Variants in RBFOX3 observed in about 807,000 individuals in gnomAD.
RBFOX3 encodes RNA binding protein fox-1 homolog 3.
RBFOX3 carries 17 observed loss-of-function variants against 48.7 expected under a neutral mutation model. The observed-to-expected ratio is 0.35, with a 90% confidence interval of 0.24 to 0.52. The LOEUF is 0.52. RBFOX3 is among the 20% of genes least tolerant of loss of function. The probability of loss-of-function intolerance (pLI) is 0.94; values close to 1 mark genes in which losing one functional copy is unlikely to be tolerated. For missense variants in RBFOX3, 382 were observed against 497.5 expected (o/e 0.77, Z 2.21); for synonymous variants, 212 against 209.5 (o/e 1.01, Z -0.10).
Position 79,473,629 on chromosome 17 carries a change from T to C in RBFOX3, c.-175+8825A>G, listed in dbSNP as rs1349862944. Among the ~76,000 whole-genome samples, 1 of 152,154 alleles carries C rather than the reference T, an allele frequency of 6.6e-6. No individual in the cohort carries two copies. The highest frequency in any genetic ancestry group is 1.5e-5 in the Non-Finnish European group (1 of 68,016). On this transcript the variant is annotated intron_variant, in intron 2 of 14. Coordinates refer to ENST00000693108, the MANE Select transcript of RBFOX3 (RefSeq NM_001350451.2). This position sits in a 1 kb window ranked among gnomAD's most constrained non-coding sequence, Gnocchi z 4.2. Reference sequence around the variant, plus strand: ...TTCAGGCCCTCCCATAATGTTGACATCCTGATGAACCCCCGCTGGTGACGG... The same window carrying C: ...TTCAGGCCCTCCCATAATGTTGACACCCTGATGAACCCCCGCTGGTGACGG...
intron 1 of RBFOX3, among the ~76,000 whole-genome samples, chr17:79,553,270 A>G (rs1404487177): frequency 6.6e-6 from 1 of 152,246 alleles, no homozygotes; most frequent in Non-Finnish European, 1.5e-5. Context: ...GATGCATTAT[A>G]TAAACAGATT....
At position 79,610,404 on chromosome 17, in the gene RBFOX3, C is replaced by G. The variant is rs920032363; in HGVS notation, c.-320+422G>C. Among the ~76,000 whole-genome samples the G allele has an allele frequency of 6.6e-5, 10 of 152,000 alleles. No homozygotes were observed. The South Asian group carries it at 1.9e-3, about 28-fold the overall frequency. On this transcript the variant is annotated intron_variant, in intron 1 of 14. Coordinates refer to ENST00000693108, the MANE Select transcript of RBFOX3 (RefSeq NM_001350451.2). ...GATCTCCGCGCGCCTCTGCCTCCCC[C>G]CGCCGGGGAGTTCCCCGCGCCGGGC...
At chr17:79,307,012 G>A (rs1400908362) in intron 3 of RBFOX3, among the ~76,000 whole-genome samples, 1 of 152,250 alleles carries the variant, frequency 6.6e-6, no homozygotes, top group African/African-American at 2.4e-5. Flanking sequence ...TTGGCACTCG[G>A]AGCAAGGAGG....
Position 79,418,792 on chromosome 17 carries a change from T to G in RBFOX3, c.-175+63662A>C, listed in dbSNP as rs1331643523. Among the ~76,000 whole-genome samples the G allele has an allele frequency of 2.6e-5, 4 of 151,988 alleles. No individual in the cohort carries two copies. The highest frequency in any genetic ancestry group is 5.9e-5 in the Non-Finnish European group (4 of 67,998). On this transcript the variant is annotated intron_variant, in intron 2 of 14. Transcript: ENST00000693108. The surrounding 1 kb of genome is among the most constrained non-coding windows in gnomAD (Gnocchi z 5.0). ...CCTTCCCAAAAAGTGAGGGAGGACA[T>G]GGCACGGAAGACCCAGCCCCTTCCC...
At chr17:79,571,482 A>C (rs920058819) in intron 1 of RBFOX3, among the ~76,000 whole-genome samples, 1 of 151,610 alleles carries the variant, frequency 6.6e-6, no homozygotes, top group Admixed American at 6.6e-5. Context: ...GAAGTGTCAT[A>C]AGTGTTTTTC....
intron 1 of RBFOX3, among the ~76,000 whole-genome samples, chr17:79,592,662 G>A (rs1488880416): frequency 2.6e-5 from 4 of 151,970 alleles, no homozygotes; most frequent in Admixed American, 6.5e-5. Flanking sequence ...CCACTGAGTT[G>A]AGCCCAGGAC....
intron 6 of RBFOX3, among the ~76,000 whole-genome samples, chr17:79,105,412 C>A (rs1156258258): frequency 1.3e-5 from 2 of 152,194 alleles, no homozygotes; most frequent in African/African-American, 4.8e-5. Context: ...CTGCAGGGGG[C>A]ATCCAGCCAG....
chr17:79,517,302 G>A (rs996569343), intron 1 of RBFOX3, among the ~76,000 whole-genome samples: 10 of 151,814 alleles, frequency 6.6e-5, no homozygotes, highest in Non-Finnish European at 1.0e-4. Context: ...AAAATTAGCC[G>A]GGCATGGTGG....
At chr17:79,584,440 T>C (rs1173893366) in intron 1 of RBFOX3, among the ~76,000 whole-genome samples, 18 of 152,208 alleles carry the variant, frequency 1.2e-4, no homozygotes, top group Admixed American at 1.2e-3. Context: ...TATTTGCTCA[T>C]GCATGTTTAT....
chr17:79,165,751 C>T (rs1212967919), intron 4 of RBFOX3, among the ~76,000 whole-genome samples: 1 of 152,234 alleles, frequency 6.6e-6, no homozygotes, highest in African/African-American at 2.4e-5. Context: ...GTTCTGGAAG[C>T]TTCCAGAAGT....
At chr17:79,196,384 G>A (rs2055594277) in intron 4 of RBFOX3, among the ~76,000 whole-genome samples, 1 of 152,172 alleles carries the variant, frequency 6.6e-6, no homozygotes, top group Admixed American at 6.5e-5. Flanking sequence ...CTCTGAGCGA[G>A]CAACTAAACA....
intron 5 of RBFOX3, among the ~76,000 whole-genome samples, chr17:79,109,141 C>T (rs2078010539): frequency 6.6e-6 from 1 of 152,200 alleles, no homozygotes; most frequent in Admixed American, 6.5e-5. Flanking sequence ...GATCCTGCAT[C>T]TCCCTCAGGA....
At chr17:79,096,567 G>A (rs987765380) in intron 12 of RBFOX3, 86 bp downstream of exon 12, 7 of 1,179,228 alleles carry the variant, frequency 5.9e-6, no homozygotes, top group African/African-American at 3.0e-5. Context: ...TGGGAGGAGC[G>A]GGCAGTGAGA....
chr17:79,555,428 T>C (rs1263101843), intron 1 of RBFOX3, among the ~76,000 whole-genome samples: 1 of 137,376 alleles, frequency 7.3e-6, no homozygotes, highest in African/African-American at 3.2e-5. Context: ...GTGGTGATGG[T>C]GGTGATGATG....
chr17:79,611,228 T>A (rs2093967210), upstream of RBFOX3, among the ~76,000 whole-genome samples: 1 of 132,928 alleles, frequency 7.5e-6, no homozygotes. Context: ...CTCTGGCTCG[T>A]TCGGCTGGAG....
intron 1 of RBFOX3, among the ~76,000 whole-genome samples, chr17:79,517,638 C>A (rs2085446702): frequency 6.6e-6 from 1 of 151,990 alleles, no homozygotes; most frequent in South Asian, 2.1e-4. Flanking sequence ...TCAAAAACTC[C>A]AAGGTGCAGT....
intron 1 of RBFOX3, among the ~76,000 whole-genome samples, chr17:79,487,429 G>A (rs1268796637): frequency 6.6e-6 from 1 of 152,208 alleles, no homozygotes; most frequent in Admixed American, 6.5e-5. Flanking sequence ...CAAGGGACAC[G>A]CACAGCTAGG....
chr17:79,106,966 C>T (rs1373159081), intron 5 of RBFOX3, among the ~76,000 whole-genome samples, 178 bp from the exon 6 acceptor site: 1 of 152,166 alleles, frequency 6.6e-6, no homozygotes, highest in Non-Finnish European at 1.5e-5. Flanking sequence ...TGAGATACAG[C>T]ACAGGGGCAC....
intron 6 of RBFOX3, 96 bp downstream of exon 6, chr17:79,106,555 G>C: frequency 7.3e-7 from 1 of 1,362,102 alleles, no homozygotes; most frequent in Non-Finnish European, 9.5e-7. Context: ...GGAAACCCGG[G>C]GGAACAGGTG....
Sources: gnomAD v4.1 joint callset for allele counts (sites outside exome capture counted in the v4.1 genomes callset) on GRCh38, gnomAD v4.1.1 for gene constraint, Gnocchi (gnomAD v3.1) non-coding constraint, MANE v1.5 for transcripts, NCBI Gene and HGNC (gene_info 2026-07-23, HGNC 2026-07-21) for gene names.